The following SRGAP2C variants were observed in gnomAD, a reference collection of about 807,000 sequenced individuals.
The protein encoded by SRGAP2C is SLIT-ROBO Rho GTPase activating protein 2C.
SRGAP2C carries 15 observed loss-of-function variants against 25.1 expected under a neutral mutation model. That is an observed-to-expected ratio of 0.60 (90% CI 0.40 to 0.92). The LOEUF (loss-of-function observed/expected upper bound fraction) is 0.92, where lower values mean the gene tolerates loss of function less well. SRGAP2C is among the 40% of genes least tolerant of loss of function. The pLI is 0.00. For missense variants in SRGAP2C, 144 were observed against 264.4 expected, an observed-to-expected ratio of 0.54 and a Z score of 3.16; for synonymous variants, 44 against 96.6, an observed-to-expected ratio of 0.46 and a Z score of 3.19.
intron 2 of SRGAP2C, among the ~76,000 whole-genome samples, chr1:121,199,627 T>C (rs1196975167): frequency 5.0e-5 from 4 of 79,616 alleles, no homozygotes; most frequent in African/African-American, 6.0e-5. Flanking sequence ...CCCGTCTCTA[T>C]TAAAAATACA....
chr1:121,224,022 C>T (rs1246263301), intron 2 of SRGAP2C, among the ~76,000 whole-genome samples: 1 of 152,116 alleles, frequency 6.6e-6, no homozygotes, highest in Non-Finnish European at 1.5e-5. Context: ...GTCATTGAGT[C>T]TTTGGACAAA....
intron 2 of SRGAP2C, among the ~76,000 whole-genome samples, chr1:121,218,619 T>G (rs1485698009): frequency 4.8e-5 from 7 of 146,852 alleles, no homozygotes; most frequent in African/African-American, 1.6e-4. Context: ...GGGTGGCAGG[T>G]GCCCGTAATC....
At chr1:121,208,834 G>A (rs1452377997) in intron 2 of SRGAP2C, among the ~76,000 whole-genome samples, 8 of 152,142 alleles carry the variant, frequency 5.3e-5, no homozygotes, top group Non-Finnish European at 8.8e-5. Context: ...TTTTTTGAAA[G>A]GCATATATGT....
chr1:121,236,207 T>C (rs1284390703), intron 2 of SRGAP2C, among the ~76,000 whole-genome samples: 7 of 152,092 alleles, frequency 4.6e-5, no homozygotes, highest in South Asian at 2.1e-4. Context: ...TGAACCTCCT[T>C]TCCTGCGATT....
chr1:121,286,757 C>A (rs1207796479), intron 3 of SRGAP2C, among the ~76,000 whole-genome samples: 1 of 151,208 alleles, frequency 6.6e-6, no homozygotes, highest in East Asian at 1.9e-4. Flanking sequence ...GTCTTTAAGC[C>A]CCTCTACATC....
chr1:121,289,361 C>T (rs1219696316), intron 3 of SRGAP2C, among the ~76,000 whole-genome samples: 1 of 151,620 alleles, frequency 6.6e-6, no homozygotes, highest in African/African-American at 2.4e-5. Flanking sequence ...CTAAGTCCCC[C>T]ATTGCCCGGG....
chr1:121,202,551 C>T (rs1558078880), intron 2 of SRGAP2C, among the ~76,000 whole-genome samples: 1 of 147,334 alleles, frequency 6.8e-6, no homozygotes, highest in South Asian at 2.2e-4. Flanking sequence ...GCCTCAGCCT[C>T]CTGAGTAGCT....
intron 2 of SRGAP2C, among the ~76,000 whole-genome samples, chr1:121,207,311 G>A (rs1271981887): frequency 2.0e-5 from 3 of 151,990 alleles, no homozygotes; most frequent in Non-Finnish European, 2.9e-5. Context: ...AGCTAAACAA[G>A]GAGAGAGAAA....
At chr1:121,336,448 C>CAT in intron 4 of SRGAP2C, among the ~76,000 whole-genome samples, 1 of 117,946 alleles carries the variant, frequency 8.5e-6, no homozygotes, top group African/African-American at 3.2e-5. Flanking sequence ...CTCTCCCTCC[C>CAT]CCCCTTCCTT....
rs587664845 is a variant in SRGAP2C at position 121,275,047 on chromosome 1, C to T, written c.68-9756C>T. ...CCCTCGCTTCTGTTTAAATCCCCCC[C>T]ACCCAAGGTCTCAAGAGGTCCATGC... On this transcript the variant is annotated intron_variant, in intron 2 of 9. Coordinates refer to ENST00000367123, the MANE Select transcript of SRGAP2C (RefSeq NM_001329984.2). Among the ~76,000 whole-genome samples, 9 of 151,020 alleles carry T rather than the reference C, an allele frequency of 6.0e-5. No homozygotes were observed. The South Asian group carries it at 1.9e-3, about 32-fold the overall frequency.
chr1:121,230,621 A>G (rs1321581204), intron 2 of SRGAP2C, among the ~76,000 whole-genome samples: 6 of 149,262 alleles, frequency 4.0e-5, no homozygotes, highest in African/African-American at 1.0e-4. Flanking sequence ...CATTCTTCCC[A>G]TAGTGTCTGC....
intron 2 of SRGAP2C, among the ~76,000 whole-genome samples, chr1:121,273,551 G>A (rs1657029752): frequency 6.9e-6 from 1 of 145,106 alleles, no homozygotes; most frequent in Non-Finnish European, 1.5e-5. Flanking sequence ...AGTCATCCCA[G>A]GGAAGCAGGA....
intron 3 of SRGAP2C, chr1:121,315,087 T>A: frequency 1.3e-6 from 1 of 744,510 alleles, no homozygotes; most frequent in Admixed American, 2.5e-5. Flanking sequence ...ACTGGCGGGG[T>A]GAGGCGAAGG....
chr1:121,236,367 AC>A (rs1206987476), intron 2 of SRGAP2C, among the ~76,000 whole-genome samples: 1 of 150,320 alleles, frequency 6.7e-6, no homozygotes, highest in Admixed American at 6.6e-5. Context: ...TGGTTTTGAA[AC>A]TTTTGCTTCA....
chr1:121,363,864 T>C (rs2101648739), intron 4 of SRGAP2C, among the ~76,000 whole-genome samples: 1 of 151,060 alleles, frequency 6.6e-6, no homozygotes, highest in African/African-American at 2.4e-5. Flanking sequence ...TAACAACACT[T>C]AGAGTGGTGA....
chr1:121,359,915 T>C (rs1189864003), intron 4 of SRGAP2C, among the ~76,000 whole-genome samples: 1 of 152,076 alleles, frequency 6.6e-6, no homozygotes, highest in Non-Finnish European at 1.5e-5. Context: ...AGCTAGAGGA[T>C]TGTAAATGCA....
At chr1:121,377,952 G>T (rs1332230451) in intron 7 of SRGAP2C, among the ~76,000 whole-genome samples, 2 of 152,196 alleles carry the variant, frequency 1.3e-5, no homozygotes, top group African/African-American at 4.8e-5. Flanking sequence ...GGGGAAGTGT[G>T]TGACAATAGA....
At chr1:121,267,992 G>T (rs587735235) in intron 2 of SRGAP2C, among the ~76,000 whole-genome samples, 1 of 150,456 alleles carries the variant, frequency 6.6e-6, no homozygotes, top group East Asian at 1.9e-4. Flanking sequence ...AACAGCTCTT[G>T]ATTCATTCAT....
At chr1:121,275,544 A>AT (rs1265423644) in intron 2 of SRGAP2C, among the ~76,000 whole-genome samples, 3 of 99,904 alleles carry the variant, frequency 3.0e-5, no homozygotes, top group African/African-American at 4.3e-5. Flanking sequence ...CTACTTTGGC[A>AT]TTTGATGTGG....
Sources: allele counts gnomAD v4.1 joint callset (sites outside exome capture counted in the v4.1 genomes callset), GRCh38; gene constraint gnomAD v4.1.1; transcripts MANE v1.5; gene names NCBI Gene and HGNC (gene_info 2026-07-23, HGNC 2026-07-21).